The following ATG4C variants were observed in gnomAD, a reference collection of about 807,000 sequenced individuals.
ATG4C encodes the protein cysteine protease ATG4C.
A neutral mutation model predicts 57.6 loss-of-function variants in ATG4C; 56 were observed. The observed-to-expected ratio is 0.97, with a 90% confidence interval of 0.78 to 1.21. ATG4C has a LOEUF of 1.21. ATG4C is among the 50% of genes most tolerant of loss of function. The pLI is 0.00. For synonymous variants in ATG4C, 157 were observed against 174.1 expected (o/e 0.90, Z 0.78); for missense variants, 595 against 529.8 (o/e 1.12, Z -1.21).
At chr1:62,816,860 A>G (rs1431300902) in intron 4 of ATG4C, 52 bp downstream of exon 4, 1 of 1,340,678 alleles carries the variant, frequency 7.5e-7, no homozygotes, top group Non-Finnish European at 1.0e-6. Context: ...TTTGTCGTCG[A>G]TATTTTTCCA....
intron 1 of ATG4C, among the ~76,000 whole-genome samples, chr1:62,803,315 T>C (rs1191961873): frequency 6.6e-6 from 1 of 152,188 alleles, no homozygotes; most frequent in Non-Finnish European, 1.5e-5. Context: ...GTCAAGATTT[T>C]TTATAAGATT....
chr1:62,850,212 G>A (rs907649453), intron 10 of ATG4C, among the ~76,000 whole-genome samples: 5 of 152,000 alleles, frequency 3.3e-5, no homozygotes, highest in South Asian at 2.1e-4. Flanking sequence ...ACCCCATGTC[G>A]TATGCATCAG....
Position 62,835,458 on chromosome 1 carries a change from G to A in ATG4C, c.1089+606G>A, listed in dbSNP as rs558704169. On this transcript the variant is annotated intron_variant, in intron 9 of 10. Transcript: ENST00000317868. ...TAAATGAAACATGTAATTATTACATGGTTTTGATTGTTTTCCCAGTTGGTG... is the reference window on the plus strand; with the variant it reads ...TAAATGAAACATGTAATTATTACATAGTTTTGATTGTTTTCCCAGTTGGTG... 17 of 287,830 alleles carry A rather than the reference G, an allele frequency of 5.9e-5. No individual in the cohort carries two copies. In the East Asian group the frequency reaches 1.7e-3, roughly 29 times the overall value. 17.8% of individuals were successfully genotyped at this position (287,830 alleles called of 1,614,324 possible).
At chr1:62,828,946 G>T in intron 6 of ATG4C, 94 bp from the exon 7 acceptor site, 1 of 1,097,972 alleles carries the variant, frequency 9.1e-7, no homozygotes, top group Non-Finnish European at 1.3e-6. Context: ...ATAGCTGGCT[G>T]TCCATTGCGG....
intron 1 of ATG4C, among the ~76,000 whole-genome samples, chr1:62,803,113 T>C (rs1204070878): frequency 6.6e-6 from 1 of 152,212 alleles, no homozygotes; most frequent in Non-Finnish European, 1.5e-5. Flanking sequence ...GAGCTACATT[T>C]ATTCTATTTT....
chr1:62,791,538 C>A (rs918626019), intron 1 of ATG4C, among the ~76,000 whole-genome samples: 4 of 152,096 alleles, frequency 2.6e-5, no homozygotes, highest in African/African-American at 2.4e-5. Context: ...TTGGTGAGGG[C>A]CTTCTTGCTG....
intron 10 of ATG4C, among the ~76,000 whole-genome samples, chr1:62,857,877 A>G (rs1666734494): frequency 6.6e-6 from 1 of 152,080 alleles, no homozygotes; most frequent in Non-Finnish European, 1.5e-5. Context: ...CTAGCCTCCT[A>G]TTTCTTTAGA....
chr1:62,844,929 C>G (rs1046976789), intron 10 of ATG4C, among the ~76,000 whole-genome samples: 1 of 151,990 alleles, frequency 6.6e-6, no homozygotes, highest in Non-Finnish European at 1.5e-5. Context: ...ATTTAAACAG[C>G]TGAATAGTGG....
chr1:62,816,859 G>A (rs774033894), intron 4 of ATG4C, 51 bp downstream of exon 4: 21 of 1,351,250 alleles, frequency 1.6e-5, no homozygotes, highest in Middle Eastern at 1.9e-4. Flanking sequence ...TTTTGTCGTC[G>A]ATATTTTTCC....
At chr1:62,802,750 A>G (rs1664724226) in intron 1 of ATG4C, among the ~76,000 whole-genome samples, 1 of 152,148 alleles carries the variant, frequency 6.6e-6, no homozygotes, top group Non-Finnish European at 1.5e-5. Context: ...CCACTTTTTT[A>G]GACATCTCAT....
intron 1 of ATG4C, among the ~76,000 whole-genome samples, chr1:62,789,904 G>A (rs1664217095): frequency 6.6e-6 from 1 of 151,910 alleles, no homozygotes. Flanking sequence ...CCCTTTAAAT[G>A]GACACACATA....
chr1:62,832,083 G>A, intron 7 of ATG4C, among the ~76,000 whole-genome samples: 1 of 152,198 alleles, frequency 6.6e-6, no homozygotes, highest in Non-Finnish European at 1.5e-5. Context: ...GGGGAAAACA[G>A]TAGAATTCTT....
At chr1:62,801,682 G>A (rs1351775155) in intron 1 of ATG4C, among the ~76,000 whole-genome samples, 1 of 151,268 alleles carries the variant, frequency 6.6e-6, no homozygotes, top group African/African-American at 2.4e-5. Context: ...AAAGAAGGCC[G>A]GCGCAGTGGC....
chr1:62,837,151 G>A (rs1413916067), intron 9 of ATG4C, among the ~76,000 whole-genome samples: 1 of 151,830 alleles, frequency 6.6e-6, no homozygotes, highest in Non-Finnish European at 1.5e-5. Flanking sequence ...TTCTATTAAT[G>A]TTTAATTCTT....
chr1:62,836,149 T>C (rs1254049550), intron 9 of ATG4C, among the ~76,000 whole-genome samples: 1 of 152,102 alleles, frequency 6.6e-6, no homozygotes, highest in East Asian at 1.9e-4. Context: ...GCTATGTGTA[T>C]ACAATCAAAA....
chr1:62,836,646 A>G (rs1416553012), intron 9 of ATG4C, among the ~76,000 whole-genome samples: 5 of 152,090 alleles, frequency 3.3e-5, no homozygotes, highest in African/African-American at 9.7e-5. Flanking sequence ...TACTGCTTGT[A>G]TATTTATAGC....
At chr1:62,851,204 C>T (rs889772054) in intron 10 of ATG4C, among the ~76,000 whole-genome samples, 8 of 152,002 alleles carry the variant, frequency 5.3e-5, no homozygotes, top group African/African-American at 1.9e-4. Context: ...GTGGATTTAT[C>T]TTAAAACTTG....
intron 10 of ATG4C, among the ~76,000 whole-genome samples, chr1:62,850,911 TACAC>T (rs1357072059): frequency 9.2e-4 from 110 of 119,066 alleles, no homozygotes; most frequent in African/African-American, 3.0e-3. Flanking sequence ...TACATACACA[TACAC>T]ACACATTCTG....
chr1:62,824,886 C>A (rs980274511), intron 6 of ATG4C, among the ~76,000 whole-genome samples: 1 of 152,022 alleles, frequency 6.6e-6, no homozygotes, highest in African/African-American at 2.4e-5. Context: ...CCAGGCTGGT[C>A]TTGAAGTCCT....
Sources: gnomAD v4.1 joint callset for allele counts (sites outside exome capture counted in the v4.1 genomes callset) on GRCh38, gnomAD v4.1.1 for gene constraint, MANE v1.5 for transcripts, NCBI Gene and HGNC (gene_info 2026-07-23, HGNC 2026-07-21) for gene names.